Variants in MALRD1 observed in about 807,000 individuals in gnomAD.
MALRD1 encodes the protein MAM and LDL receptor class A domain containing 1, also known as MAM and LDL-receptor class A domain-containing protein 1.
In MALRD1, 247 loss-of-function variants were observed where a neutral mutation model predicts 242.1. The ratio of observed to expected loss-of-function variants is 1.02; its 90% confidence interval spans 0.92 to 1.13. The LOEUF (loss-of-function observed/expected upper bound fraction) is 1.13. Among genes scored for constraint, MALRD1 ranks in the 50% most tolerant of loss-of-function variants. The probability of loss-of-function intolerance (pLI) is 0.00; values close to 1 mark genes in which losing one functional copy is unlikely to be tolerated. For synonymous variants in MALRD1, 995 were observed against 866.6 expected, an observed-to-expected ratio of 1.15 and a Z score of -2.60; for missense variants, 2,989 against 2,533.1, an observed-to-expected ratio of 1.18 and a Z score of -3.86.
intron 38 of MALRD1, among the ~76,000 whole-genome samples, chr10:19,718,479 G>T (rs1198651920): frequency 6.6e-6 from 1 of 152,154 alleles, no homozygotes; most frequent in Admixed American, 6.5e-5. Context: ...CAAATCACAT[G>T]AACTCAACGC....
intron 28 of MALRD1, among the ~76,000 whole-genome samples, chr10:19,412,732 G>A (rs771616500): frequency 1.3e-5 from 2 of 152,134 alleles, no homozygotes; most frequent in Non-Finnish European, 2.9e-5. Flanking sequence ...GGCAGAGTCT[G>A]CCAACCATAA....
At chr10:19,694,428 T>A (rs1046749491) in intron 38 of MALRD1, among the ~76,000 whole-genome samples, 1 of 152,172 alleles carries the variant, frequency 6.6e-6, no homozygotes, top group Non-Finnish European at 1.5e-5. Flanking sequence ...GAACAGACAC[T>A]TCTCAAAAGA....
intron 14 of MALRD1, among the ~76,000 whole-genome samples, chr10:19,202,166 A>G (rs1836567707): frequency 6.6e-6 from 1 of 152,004 alleles, no homozygotes; most frequent in South Asian, 2.1e-4. Context: ...GCTTGTTTCT[A>G]ATTGTCTTTA....
At chr10:19,397,091 C>T (rs1160393908) in intron 28 of MALRD1, among the ~76,000 whole-genome samples, 1 of 152,026 alleles carries the variant, frequency 6.6e-6, no homozygotes, top group African/African-American at 2.4e-5. Context: ...TCTGTCATTT[C>T]TTTGTGGTAA....
At chr10:19,376,287 G>A (rs1032008284) in intron 26 of MALRD1, among the ~76,000 whole-genome samples, 3 of 152,050 alleles carry the variant, frequency 2.0e-5, no homozygotes, top group African/African-American at 7.2e-5. Context: ...TTTAATCTGG[G>A]CTTATGAATC....
chr10:19,047,087 A>T (rs1834355754), upstream of MALRD1, among the ~76,000 whole-genome samples: 1 of 152,210 alleles, frequency 6.6e-6, no homozygotes, highest in Non-Finnish European at 1.5e-5. Context: ...CTCTACTCTA[A>T]GACTAGGAAA....
At chr10:19,163,516 A>G (rs1220200807) in intron 12 of MALRD1, among the ~76,000 whole-genome samples, 1 of 151,714 alleles carries the variant, frequency 6.6e-6, no homozygotes, top group Non-Finnish European at 1.5e-5. Context: ...GGGAGGGTGG[A>G]GGAGGGAGAG....
chr10:19,600,099 T>C (rs1838282966), intron 34 of MALRD1, among the ~76,000 whole-genome samples: 1 of 152,152 alleles, frequency 6.6e-6, no homozygotes, highest in Admixed American at 6.6e-5. Context: ...ATGTGTCCTG[T>C]GAAGTGCATG....
chr10:19,290,478 T>C (rs563472541), intron 21 of MALRD1: 7 of 152,300 alleles, frequency 4.6e-5, no homozygotes, highest in Non-Finnish European at 8.8e-5. Context: ...TATAATGCAA[T>C]GGAAAGATAA....
chr10:19,180,683 C>A (rs1362426285), intron 14 of MALRD1, among the ~76,000 whole-genome samples: 3 of 152,134 alleles, frequency 2.0e-5, no homozygotes, highest in Non-Finnish European at 4.4e-5. Flanking sequence ...AATATCACAC[C>A]AAATGCTCTG....
intron 18 of MALRD1, among the ~76,000 whole-genome samples, chr10:19,238,503 A>ATAATATACATT (rs376375813): frequency 0.013 from 562 of 42,176 alleles, 75 homozygotes; most frequent in Non-Finnish European, 0.016. Flanking sequence ...TATATAATAT[A>ATAATATACATT]ATATATAATG....
intron 19 of MALRD1, among the ~76,000 whole-genome samples, chr10:19,276,479 G>T (rs1423658733): frequency 6.6e-6 from 1 of 151,466 alleles, no homozygotes; most frequent in Non-Finnish European, 1.5e-5. Flanking sequence ...CATCAACCTG[G>T]CCATTGAATG....
chr10:19,443,862 G>T (rs1002351279), intron 28 of MALRD1, among the ~76,000 whole-genome samples: 2 of 152,158 alleles, frequency 1.3e-5, no homozygotes, highest in Admixed American at 6.5e-5. Context: ...CTGAGTTCAA[G>T]TCCTGGATAT....
intron 38 of MALRD1, among the ~76,000 whole-genome samples, chr10:19,724,128 T>C (rs753413483): frequency 3.9e-5 from 6 of 152,174 alleles, no homozygotes; most frequent in Non-Finnish European, 7.3e-5. Flanking sequence ...AACCTAATTT[T>C]AAATATGAAC....
intron 29 of MALRD1, among the ~76,000 whole-genome samples, chr10:19,460,492 C>G (rs1395818755): frequency 6.6e-6 from 1 of 151,662 alleles, no homozygotes; most frequent in East Asian, 1.9e-4. Context: ...TCTGAAAAAC[C>G]TCATGTTTTG....
intron 19 of MALRD1, among the ~76,000 whole-genome samples, chr10:19,262,086 C>G (rs866937247): frequency 2.0e-5 from 3 of 152,064 alleles, no homozygotes. Flanking sequence ...TCCAAGTCGT[C>G]TCTCTCATAT....
chr10:19,284,575 A>G (rs1841015255), intron 21 of MALRD1, among the ~76,000 whole-genome samples: 1 of 151,538 alleles, frequency 6.6e-6, no homozygotes, highest in African/African-American at 2.4e-5. Context: ...TACAAAGGAC[A>G]TGAACTCATC....
chr10:19,347,670 A>C (rs866216752), intron 24 of MALRD1, 101 bp from the exon 25 acceptor site: 1 of 1,368,336 alleles, frequency 7.3e-7, no homozygotes, highest in Non-Finnish European at 9.9e-7. Flanking sequence ...GAAGGTTTCA[A>C]ATATTACATG....
chr10:19,559,066 C>G (rs943671731), intron 32 of MALRD1, among the ~76,000 whole-genome samples: 1 of 151,718 alleles, frequency 6.6e-6, no homozygotes, highest in South Asian at 2.1e-4. Flanking sequence ...ACCTGTGATC[C>G]CAGTTACTCA....
Sources: gnomAD v4.1 joint callset for allele counts (sites outside exome capture counted in the v4.1 genomes callset) on GRCh38, gnomAD v4.1.1 for gene constraint, MANE v1.5 for transcripts, NCBI Gene and HGNC (gene_info 2026-07-23, HGNC 2026-07-21) for gene names.